The following ARHGEF3 variants were observed in gnomAD, a reference collection of about 807,000 sequenced individuals.
The protein encoded by ARHGEF3 is 59.8 kDA protein.
ARHGEF3 carries 28 observed loss-of-function variants against 63.2 expected under a neutral mutation model. The observed-to-expected ratio is 0.44, with a 90% confidence interval of 0.33 to 0.61. The LOEUF is 0.61. ARHGEF3 is among the 20% of genes least tolerant of loss of function. The probability of loss-of-function intolerance (pLI) is 0.03; values close to 1 mark genes in which losing one functional copy is unlikely to be tolerated. For synonymous variants in ARHGEF3, 266 were observed against 254.2 expected (o/e 1.05, Z -0.44); for missense variants, 533 against 659.3 (o/e 0.81, Z 2.10).
intron 3 of ARHGEF3, among the ~76,000 whole-genome samples, chr3:56,911,978 TAC>T (rs919922700): frequency 5.1e-4 from 77 of 150,826 alleles, no homozygotes; most frequent in Non-Finnish European, 8.3e-4. Flanking sequence ...CATATATATA[TAC>T]ACACATATAT....
intron 6 of ARHGEF3, among the ~76,000 whole-genome samples, chr3:56,748,699 C>G (rs1463267829): frequency 6.6e-6 from 1 of 152,082 alleles, no homozygotes; most frequent in East Asian, 1.9e-4. Context: ...AGATAAGTCA[C>G]TTGGGAAGTT....
At chr3:56,758,330 C>A (rs899735455) in intron 2 of ARHGEF3, among the ~76,000 whole-genome samples, 4 of 151,044 alleles carry the variant, frequency 2.6e-5, no homozygotes, top group Non-Finnish European at 5.9e-5. Flanking sequence ...TGGCTCATGT[C>A]TGTAATCCCA....
At chr3:57,032,523 G>C (rs1244745652) in intron 2 of ARHGEF3, among the ~76,000 whole-genome samples, 4 of 152,148 alleles carry the variant, frequency 2.6e-5, no homozygotes, top group African/African-American at 9.7e-5. Context: ...AGTTTTGCTG[G>C]TTTCCTTTTA....
At chr3:57,056,757 T>A (rs1048004894) in intron 1 of ARHGEF3, among the ~76,000 whole-genome samples, 1 of 152,152 alleles carries the variant, frequency 6.6e-6, no homozygotes, top group African/African-American at 2.4e-5. Flanking sequence ...AAACTCCCGG[T>A]CTCTGTTATC....
At chr3:56,838,756 A>G (rs151078228) in intron 4 of ARHGEF3, among the ~76,000 whole-genome samples, 12 of 151,306 alleles carry the variant, frequency 7.9e-5, no homozygotes, top group Middle Eastern at 3.4e-3. Context: ...ACAGCCCTAA[A>G]ATACCAAGAG....
At chr3:57,070,776 C>T (rs1194125917) in intron 1 of ARHGEF3, among the ~76,000 whole-genome samples, 2 of 151,788 alleles carry the variant, frequency 1.3e-5, no homozygotes, top group Admixed American at 1.3e-4. Context: ...CTGGGTAACA[C>T]AGCCAGACCC....
At chr3:56,882,324 C>T in exon 4 of ARHGEF3, 1 of 1,551,832 alleles carries the variant, frequency 6.4e-7, no homozygotes, top group Admixed American at 2.0e-5. Context: ...CTAACAGCAT[C>T]TTCATCTTGG....
chr3:56,745,582 T>G (rs2034328133), intron 6 of ARHGEF3, 120 bp from the exon 7 acceptor site: 1 of 1,168,930 alleles, frequency 8.6e-7, no homozygotes, highest in African/African-American at 1.5e-5. Flanking sequence ...TGGCTGACAT[T>G]CCTTTATCTG....
chr3:56,856,847 C>G (rs912004490), intron 4 of ARHGEF3, among the ~76,000 whole-genome samples: 4 of 151,540 alleles, frequency 2.6e-5, no homozygotes, highest in Non-Finnish European at 4.4e-5. Context: ...CCAAGATGAA[C>G]CAACTTACTC....
At chr3:56,877,151 C>T (rs2040613123) in intron 4 of ARHGEF3, among the ~76,000 whole-genome samples, 1 of 152,152 alleles carries the variant, frequency 6.6e-6, no homozygotes, top group Non-Finnish European at 1.5e-5. Flanking sequence ...AAAGAGATTA[C>T]ACAAACATGT....
chr3:56,916,880 C>T (rs534888171), intron 3 of ARHGEF3, among the ~76,000 whole-genome samples: 16 of 152,268 alleles, frequency 1.1e-4, no homozygotes, highest in Admixed American at 7.2e-4. Context: ...CACTGAGTCG[C>T]GGTTCAAAAG....
In ARHGEF3 at chr3:56,755,117, T is replaced by C; in HGVS notation, c.239A>G (p.Asp80Gly). 6.2e-7 allele frequency: 1 copy of C among 1,613,844 alleles called. No homozygotes were observed. The highest frequency in any genetic ancestry group is 1.1e-5 in the South Asian group (1 of 91,068). ...GGACCAGGGTCGGGGGGCGAGGATG[T>C]CAGGGCGGCTCTCACTGCGGAAGCT... ...SISFRSESRPDILAPRPWSRN... is the reference protein window; with the variant it reads ...SISFRSESRPGILAPRPWSRN... Residue 80 changes from aspartate to glycine, a missense_variant, in exon 3 of 10, where the codon GAC becomes GGC. Coordinates refer to ENST00000296315, the MANE Select transcript of ARHGEF3 (RefSeq NM_019555.3).
intron 2 of ARHGEF3, among the ~76,000 whole-genome samples, chr3:57,014,424 C>G (rs550064915): frequency 2.0e-5 from 3 of 152,214 alleles, no homozygotes; most frequent in South Asian, 4.2e-4. Context: ...AACCTGGACT[C>G]CCATATTCCA....
At chr3:56,838,207 G>A (rs1233307708) in intron 4 of ARHGEF3, among the ~76,000 whole-genome samples, 1 of 152,064 alleles carries the variant, frequency 6.6e-6, no homozygotes, top group African/African-American at 2.4e-5. Flanking sequence ...AAACAGTTTT[G>A]TAAAGTATGT....
intron 1 of ARHGEF3, among the ~76,000 whole-genome samples, chr3:56,792,120 AAAGAAAAG>A (rs2037114884): frequency 7.2e-6 from 1 of 139,598 alleles, no homozygotes; most frequent in Non-Finnish European, 1.5e-5. Context: ...AAAAAAAAGA[AAAGAAAAG>A]AAAAGAAAAG....
At chr3:56,762,533 T>G (rs553213348) in intron 2 of ARHGEF3, among the ~76,000 whole-genome samples, 1 of 152,150 alleles carries the variant, frequency 6.6e-6, no homozygotes, top group Admixed American at 6.5e-5. Context: ...TCAGAGGAAA[T>G]GTAAACCCAG....
chr3:57,035,087 C>G lies in ARHGEF3; in HGVS notation c.62+1G>C, dbSNP rs1356394013. ...TATTTAGGTTATTTGATTATTTTTA[C>G]CTTTCCTTGTTTTCTTCCATTCCTC... On this transcript the variant is annotated splice_donor_variant, in intron 2 of 12. Coordinates refer to the ARHGEF3 transcript ENST00000338458. LOFTEE classifies it high-confidence loss of function. 2 of 1,541,352 alleles carry G rather than the reference C, an allele frequency of 1.3e-6. No individual in the cohort carries two copies. Among genetic ancestry groups the G allele is most frequent in the Non-Finnish European group, 1.7e-6 (2 of 1,143,080 alleles).
At chr3:56,843,415 T>C (rs904290857) in intron 4 of ARHGEF3, among the ~76,000 whole-genome samples, 6 of 143,930 alleles carry the variant, frequency 4.2e-5, no homozygotes, top group Non-Finnish European at 6.0e-5. Context: ...TGTGCCACCA[T>C]GCCTGGATGA....
chr3:57,042,675 TATATATATATATA>T lies in ARHGEF3; in HGVS notation c.-27-7512_-27-7500del, dbSNP rs1305990584. On this transcript the variant is annotated intron_variant, in intron 1 of 12. Coordinates refer to the ARHGEF3 transcript ENST00000338458. Reference sequence around the variant, plus strand: ...AAATATATATATATATATATATATATATATATATATATATATATATATATATTTTTTTTTTTTT... The same window carrying T: ...AAATATATATATATATATATATATATTATATATATATATTTTTTTTTTTTT... Among the ~76,000 whole-genome samples the T allele has an allele frequency of 6.0e-3, 246 of 41,338 alleles. 19 individuals are homozygous for T. The highest frequency in any genetic ancestry group is 0.034 in the South Asian group (36 of 1,050). The allele number at this position is 41,338 out of a possible 152,430, so 27.1% of individuals were successfully genotyped here.
Sources: allele counts gnomAD v4.1 joint callset (sites outside exome capture counted in the v4.1 genomes callset), GRCh38; gene constraint gnomAD v4.1.1; transcripts MANE v1.5; gene names NCBI Gene and HGNC (gene_info 2026-07-23, HGNC 2026-07-21).